The following UNC5C variants were observed in gnomAD, a reference collection of about 807,000 sequenced individuals.
The protein encoded by UNC5C is unc-5 netrin receptor C.
A neutral mutation model predicts 99.8 loss-of-function variants in UNC5C; 47 were observed. The observed-to-expected ratio is 0.47, with a 90% confidence interval of 0.37 to 0.60. UNC5C has a LOEUF of 0.60. Among genes scored for constraint, UNC5C ranks in the 20% least tolerant of loss-of-function variants. UNC5C has a pLI of 0.00. For missense variants in UNC5C, 1,062 were observed against 1,165.9 expected (o/e 0.91, Z 1.30); for synonymous variants, 487 against 452.2 (o/e 1.08, Z -0.98).
chr4:95,337,866 C>T (rs1426320607), intron 1 of UNC5C, among the ~76,000 whole-genome samples: 2 of 151,934 alleles, frequency 1.3e-5, no homozygotes, highest in Admixed American at 6.6e-5. Flanking sequence ...CAGAATCAAT[C>T]GTTAAAAGTT....
At chr4:95,336,138 A>G (rs943784008) in intron 1 of UNC5C, among the ~76,000 whole-genome samples, 1 of 151,978 alleles carries the variant, frequency 6.6e-6, no homozygotes, top group Non-Finnish European at 1.5e-5. Context: ...GTTATTTTCA[A>G]AAGATGTCAT....
intron 3 of UNC5C, among the ~76,000 whole-genome samples, chr4:95,293,794 T>C (rs1741574585): frequency 1.3e-5 from 2 of 152,204 alleles, no homozygotes; most frequent in East Asian, 1.9e-4. Context: ...ATTTTTAATC[T>C]CCCGTTGCTC....
In UNC5C at chr4:95,163,329, G is replaced by A. The variant is rs182880076; in HGVS notation, c.*5905C>T. 1 of 152,312 alleles carries A rather than the reference G, an allele frequency of 6.6e-6. No homozygotes were observed. The highest frequency in any genetic ancestry group is 1.9e-4 in the East Asian group (1 of 5,174). 9.4% of individuals were successfully genotyped at this position (152,312 alleles called of 1,614,324 possible). ...AGCTGTAGATTTCTTGCTCTTATAT[G>A]TCACTCCGAACAGAGTTGTTTTAAC... On this transcript the variant is annotated 3_prime_UTR_variant, in exon 16 of 16. Coordinates refer to ENST00000453304, the MANE Select transcript of UNC5C (RefSeq NM_003728.4).
At chr4:95,329,357 A>G (rs1310268907) in intron 2 of UNC5C, among the ~76,000 whole-genome samples, 2 of 152,196 alleles carry the variant, frequency 1.3e-5, no homozygotes, top group Non-Finnish European at 1.5e-5. Context: ...TGCAACAGCA[A>G]TGAAGGTTCA....
At chr4:95,464,934 A>G (rs553439284) in intron 1 of UNC5C, among the ~76,000 whole-genome samples, 1 of 152,330 alleles carries the variant, frequency 6.6e-6, no homozygotes, top group East Asian at 1.9e-4. Flanking sequence ...GAACCTGAAG[A>G]TCAAATGTTC....
chr4:95,424,518 C>CTTTCT (rs1746411107), intron 1 of UNC5C, among the ~76,000 whole-genome samples: 1 of 67,958 alleles, frequency 1.5e-5, no homozygotes, highest in Non-Finnish European at 2.7e-5. Flanking sequence ...TTTTTCTTTT[C>CTTTCT]TTTTTTTTTT....
Position 95,250,454 on chromosome 4 carries a change from T to C in UNC5C, c.775+33A>G, listed in dbSNP as rs371439138. 89 of 1,589,258 alleles carry C rather than the reference T, an allele frequency of 5.6e-5. 1 individual carries two copies. The African/African-American group carries it at 1.1e-3, about 20-fold the overall frequency. On this transcript the variant is annotated intron_variant, in intron 5 of 15. Transcript: ENST00000453304. ...GCCAACGAGAAACTGCAGTTAAACA[T>C]GAACTAGATTGAGACCCTGAAGGGC... is the stretch of plus-strand genomic sequence containing the variant.
At chr4:95,542,398 TA>T (rs1389853843) in intron 1 of UNC5C, among the ~76,000 whole-genome samples, 1 of 152,188 alleles carries the variant, frequency 6.6e-6, no homozygotes, top group African/African-American at 2.4e-5. Context: ...TCATTGCTAA[TA>T]AAAGCTATAC....
At chr4:95,497,628 C>T (rs1721665129) in intron 1 of UNC5C, among the ~76,000 whole-genome samples, 1 of 151,876 alleles carries the variant, frequency 6.6e-6, no homozygotes, top group South Asian at 2.1e-4. Context: ...GAATTTAATA[C>T]ACTACAAAAT....
At chr4:95,195,711 G>T (rs556454978) in intron 12 of UNC5C, among the ~76,000 whole-genome samples, 2 of 152,228 alleles carry the variant, frequency 1.3e-5, no homozygotes, top group South Asian at 4.1e-4. Flanking sequence ...GCCCAAGAAC[G>T]TGAGCATCAC....
chr4:95,281,291 C>A (rs1413689313), intron 3 of UNC5C, among the ~76,000 whole-genome samples: 1 of 152,116 alleles, frequency 6.6e-6, no homozygotes, highest in African/African-American at 2.4e-5. Context: ...TTCATTGTCT[C>A]CATATGGTAG....
intron 1 of UNC5C, among the ~76,000 whole-genome samples, chr4:95,395,153 CCATATTATGGATA>C (rs1350249536): frequency 1.3e-5 from 2 of 151,930 alleles, no homozygotes; most frequent in Non-Finnish European, 2.9e-5. Context: ...AAAGGTGGGC[CCATATTATGGATA>C]GTATTAGTTT....
chr4:95,250,837 G>A (rs1739687007), intron 4 of UNC5C, among the ~76,000 whole-genome samples, 170 bp from the exon 5 acceptor site: 2 of 152,130 alleles, frequency 1.3e-5, no homozygotes, highest in African/African-American at 4.8e-5. Flanking sequence ...GCAAACTGGT[G>A]GGAAGTAACT....
At chr4:95,543,730 C>T (rs941337447) in intron 1 of UNC5C, among the ~76,000 whole-genome samples, 7 of 152,138 alleles carry the variant, frequency 4.6e-5, no homozygotes. Flanking sequence ...TTCAGTATCC[C>T]TTGAGAAAAT....
At chr4:95,232,675 T>A (rs1264438262) in intron 7 of UNC5C, among the ~76,000 whole-genome samples, 2 of 152,182 alleles carry the variant, frequency 1.3e-5, no homozygotes, top group Non-Finnish European at 2.9e-5. Context: ...TAGGTGTTCA[T>A]TAGGCTTCTG....
At position 95,448,227 on chromosome 4, in the gene UNC5C, T is replaced by TGAGAGAGAGAGAGAGAGAGAGA. The variant is rs1208781802; in HGVS notation, c.124+100485_124+100506dup. 2.8e-3 allele frequency among the ~76,000 whole-genome samples: 280 copies of TGAGAGAGAGAGAGAGAGAGAGA among 100,100 alleles called. 6 individuals carry two copies. The highest frequency in any genetic ancestry group is 3.3e-3 in the African/African-American group (81 of 24,814). The allele number at this position is 100,100 out of a possible 152,430, so 65.7% of individuals were successfully genotyped here. ...GTGTGTGTGTGTGTGTGTGTGTGTG[T>TGAGAGAGAGAGAGAGAGAGAGA]GAGAGAGAGAGAGAGAGAGAGAGAG... On this transcript the variant is annotated intron_variant, in intron 1 of 15. Coordinates refer to ENST00000453304, the MANE Select transcript of UNC5C (RefSeq NM_003728.4).
chr4:95,548,163 A>G (rs912773313), intron 1 of UNC5C, among the ~76,000 whole-genome samples: 11 of 136,322 alleles, frequency 8.1e-5, no homozygotes, highest in Non-Finnish European at 1.6e-5. Flanking sequence ...GTGTATTTCC[A>G]CAGCACCTGA....
chr4:95,395,916 T>C (rs910924003), intron 1 of UNC5C, among the ~76,000 whole-genome samples: 1 of 152,218 alleles, frequency 6.6e-6, no homozygotes, highest in Admixed American at 6.5e-5. Flanking sequence ...TGTTGGCCTG[T>C]CTCTGGGTCT....
intron 1 of UNC5C, among the ~76,000 whole-genome samples, chr4:95,407,718 C>T (rs768887210): frequency 2.0e-5 from 3 of 152,138 alleles, no homozygotes; most frequent in Non-Finnish European, 4.4e-5. Flanking sequence ...TATGATGATT[C>T]ACCTTCAAAT....
Sources: allele counts gnomAD v4.1 joint callset (sites outside exome capture counted in the v4.1 genomes callset), GRCh38; gene constraint gnomAD v4.1.1; transcripts MANE v1.5; gene names NCBI Gene and HGNC (gene_info 2026-07-23, HGNC 2026-07-21).